Variants in PHLDB2 observed in about 807,000 individuals in gnomAD.
PHLDB2 encodes the protein pleckstrin homology-like domain family B member 2.
PHLDB2 carries 71 observed loss-of-function variants against 123.6 expected under a neutral mutation model. The observed-to-expected ratio is 0.57, with a 90% confidence interval of 0.47 to 0.70. PHLDB2 has a LOEUF of 0.70. Ranked by LOEUF, PHLDB2 falls within the 30% of genes least tolerant of loss-of-function variation. The pLI is 0.00. For synonymous variants in PHLDB2, 547 were observed against 541.6 expected (o/e 1.01, Z -0.14); for missense variants, 1,446 against 1,519.5 (o/e 0.95, Z 0.80).
intron 1 of PHLDB2, among the ~76,000 whole-genome samples, chr3:111,816,677 C>A (rs1254748205): frequency 6.6e-6 from 1 of 152,122 alleles, no homozygotes; most frequent in Non-Finnish European, 1.5e-5. Flanking sequence ...GATTAGATGT[C>A]GGACTGTGAA....
At chr3:111,801,023 A>G (rs181543116) in intron 1 of PHLDB2, among the ~76,000 whole-genome samples, 19 of 152,316 alleles carry the variant, frequency 1.2e-4, no homozygotes, top group Admixed American at 2.0e-4. Context: ...ATAATATTAA[A>G]TGTAACATTC....
chr3:111,787,496 G>C lies in PHLDB2; in HGVS notation c.-49+54793G>C, dbSNP rs74705680. On this transcript the variant is annotated intron_variant, in intron 1 of 17. Transcript: ENST00000393923. ...CATAACATTCACAGACCCTTTTCCTGACTTTTCATGGTGTGTGACTGTGGC... is the reference window on the plus strand; with the variant it reads ...CATAACATTCACAGACCCTTTTCCTCACTTTTCATGGTGTGTGACTGTGGC... Among the ~76,000 whole-genome samples, 5 of 152,170 alleles carry C rather than the reference G, an allele frequency of 3.3e-5. No homozygotes were observed. In the East Asian group the frequency reaches 9.7e-4, roughly 29 times the overall value.
Position 111,836,840 on chromosome 3 carries a change from C to T in PHLDB2, c.-48-8981C>T, listed in dbSNP as rs117825323. On this transcript the variant is annotated intron_variant, in intron 1 of 17. Coordinates refer to the PHLDB2 transcript ENST00000393923. Reference sequence around the variant, plus strand: ...GGAGAACAGCAAGAGTGGACCACCCCGATGATCCAATCATCTCCCACCAGG... The same window carrying T: ...GGAGAACAGCAAGAGTGGACCACCCTGATGATCCAATCATCTCCCACCAGG... Among the ~76,000 whole-genome samples the T allele has an allele frequency of 0.011, 1,680 of 152,116 alleles. 54 individuals carry two copies. The East Asian group carries it at 0.12, about 11-fold the overall frequency.
At chr3:111,801,102 T>A (rs1413772549) in intron 1 of PHLDB2, among the ~76,000 whole-genome samples, 1 of 152,162 alleles carries the variant, frequency 6.6e-6, no homozygotes. Flanking sequence ...CAATGGCCAA[T>A]ACAGAGTAGA....
At chr3:111,738,088 C>T (rs896376256) in intron 1 of PHLDB2, among the ~76,000 whole-genome samples, 1 of 152,156 alleles carries the variant, frequency 6.6e-6, no homozygotes, top group African/African-American at 2.4e-5. Context: ...ATTTCAAATA[C>T]ATGTATCCCA....
intron 16 of PHLDB2, among the ~76,000 whole-genome samples, chr3:111,971,866 C>T (rs772140370): frequency 3.9e-5 from 6 of 152,200 alleles, no homozygotes; most frequent in African/African-American, 1.4e-4. Flanking sequence ...CCTTGGCCTC[C>T]TGCATATTAA....
Position 111,974,468 on chromosome 3 carries a change from A to G in PHLDB2, c.3667A>G (p.Ile1223Val), listed in dbSNP as rs901965294. 1.9e-6 allele frequency: 3 copies of G among 1,613,250 alleles called. No individual in the cohort carries two copies. The highest frequency in any genetic ancestry group is 2.7e-5 in the African/African-American group (2 of 74,876). The change falls in exon 18 of 18, where the codon ATC (isoleucine) becomes GTC (valine). Residue 1223 changes from isoleucine to valine, a missense_variant. Physicochemically the swap from Ile to Val is conservative, Grantham distance 29 (BLOSUM62 3). Around this residue, in one of 3 missense-constraint regions of PHLDB2, gnomAD observed 594 missense variants for 646.0 expected, o/e 0.92. Transcript: ENST00000431670. ...LTFSVKTHDRIYYMVAPSPEA... is the reference protein window; with the variant it reads ...LTFSVKTHDRVYYMVAPSPEA... ...CTTTAGCGTCAAGACTCATGACAGA[A>G]TCTATTATATGGTAGCCCCATCGCC... is the stretch of plus-strand genomic sequence containing the variant.
intron 12 of PHLDB2, chr3:111,958,164 C>T (rs999823159): frequency 1.3e-5 from 8 of 605,148 alleles, no homozygotes; most frequent in Non-Finnish European, 1.7e-5. Flanking sequence ...TTTTTCCTGC[C>T]CCCTTGTCAT....
intron 1 of PHLDB2, among the ~76,000 whole-genome samples, chr3:111,838,754 C>T (rs1392838495): frequency 2.6e-5 from 4 of 151,946 alleles, no homozygotes; most frequent in Non-Finnish European, 5.9e-5. Flanking sequence ...GTTGTGTTCT[C>T]GGTATTATCT....
intron 12 of PHLDB2, chr3:111,958,251 C>A: frequency 2.0e-6 from 2 of 987,282 alleles, no homozygotes; most frequent in South Asian, 9.3e-5. Flanking sequence ...GTGCCCTCTT[C>A]TTCTGGCTGT....
rs769838551 is a variant in PHLDB2, at chr3:111,932,120, C to G, written c.2002-149C>G. The stretch of plus-strand genomic sequence containing the variant: ...TTAACTTCCACTTATATCCCTTTAT[C>G]CTAGCCACTAACAAGATACGTTTCT... On this transcript the variant is annotated intron_variant, in intron 5 of 17. Coordinates refer to ENST00000431670, the MANE Select transcript of PHLDB2 (RefSeq NM_001134438.2). 8 of 828,224 alleles carry G rather than the reference C, an allele frequency of 9.7e-6. No individual in the cohort carries two copies. In the African/African-American group the frequency reaches 1.2e-4, roughly 13 times the overall value. 51.3% of individuals were successfully genotyped at this position (828,224 alleles called of 1,614,324 possible).
At chr3:111,839,819 A>C (rs1262814901) in intron 1 of PHLDB2, among the ~76,000 whole-genome samples, 1 of 151,768 alleles carries the variant, frequency 6.6e-6, no homozygotes, top group East Asian at 1.9e-4. Flanking sequence ...AAAAATATGC[A>C]TTATCATTTC....
chr3:111,903,155 C>G (rs2067296903), intron 2 of PHLDB2, among the ~76,000 whole-genome samples: 1 of 152,178 alleles, frequency 6.6e-6, no homozygotes, highest in African/African-American at 2.4e-5. Flanking sequence ...GAAAGTTCCT[C>G]AGGTATTTGA....
At chr3:111,761,037 T>G (rs1411472097) in intron 1 of PHLDB2, among the ~76,000 whole-genome samples, 7 of 151,864 alleles carry the variant, frequency 4.6e-5, no homozygotes, top group Non-Finnish European at 8.8e-5. Context: ...ATACAAAAAT[T>G]ATCTGCGCGT....
At chr3:111,789,255 G>T (rs750256170) in intron 1 of PHLDB2, among the ~76,000 whole-genome samples, 2 of 152,162 alleles carry the variant, frequency 1.3e-5, no homozygotes, top group Non-Finnish European at 2.9e-5. Context: ...TTGAAGAAAA[G>T]ACTATAGACT....
chr3:111,938,343 G>T (rs1334729758), intron 6 of PHLDB2, among the ~76,000 whole-genome samples: 1 of 151,982 alleles, frequency 6.6e-6, no homozygotes, highest in Non-Finnish European at 1.5e-5. Flanking sequence ...TGTTACAATT[G>T]CTAAACCTCC....
intron 2 of PHLDB2, among the ~76,000 whole-genome samples, chr3:111,897,570 A>G (rs2066947919): frequency 1.3e-5 from 2 of 152,226 alleles, no homozygotes; most frequent in African/African-American, 4.8e-5. Flanking sequence ...TTCTTATTCA[A>G]AATTGCTAAG....
At chr3:111,847,931 G>A (rs974357944) in intron 2 of PHLDB2, among the ~76,000 whole-genome samples, 8 of 152,158 alleles carry the variant, frequency 5.3e-5, no homozygotes, top group African/African-American at 1.7e-4. Flanking sequence ...TGGATGACTG[G>A]ATCTAAGAGG....
intron 4 of PHLDB2, among the ~76,000 whole-genome samples, chr3:111,920,049 A>T (rs1342975889): frequency 6.6e-6 from 1 of 152,234 alleles, no homozygotes; most frequent in African/African-American, 2.4e-5. Context: ...ATAGTAGAAA[A>T]GTTAAGTGAT....
Sources: allele counts gnomAD v4.1 joint callset (sites outside exome capture counted in the v4.1 genomes callset), GRCh38; gene constraint gnomAD v4.1.1; regional missense constraint gnomAD v4.1.1; transcripts MANE v1.5; gene names NCBI Gene and HGNC (gene_info 2026-07-23, HGNC 2026-07-21).